The following FSTL5 variants were observed in gnomAD, a reference collection of about 807,000 sequenced individuals.
The protein encoded by FSTL5 is follistatin-related protein 5.
Under a neutral mutation model 89.1 loss-of-function variants are expected in FSTL5, and 62 were observed. The ratio of observed to expected loss-of-function variants is 0.70; its 90% CI spans 0.57 to 0.86. The LOEUF is 0.86. Ranked by LOEUF, FSTL5 falls within the 40% of genes least tolerant of loss-of-function variation. The pLI, the probability that FSTL5 is intolerant of heterozygous loss-of-function variation, is 0.00. For synonymous variants in FSTL5, 383 were observed against 346.2 expected, an observed-to-expected ratio of 1.11 and a Z score of -1.18; for missense variants, 1,057 against 1,001.6, an observed-to-expected ratio of 1.06 and a Z score of -0.75.
At chr4:161,850,854 T>C (rs1731526998) in intron 4 of FSTL5, among the ~76,000 whole-genome samples, 1 of 152,180 alleles carries the variant, frequency 6.6e-6, no homozygotes, top group African/African-American at 2.4e-5. Context: ...AGGAATGAGA[T>C]AATGTCTTTT....
intron 9 of FSTL5, among the ~76,000 whole-genome samples, chr4:161,541,540 C>G (rs1219538119): frequency 2.0e-5 from 3 of 151,846 alleles, no homozygotes; most frequent in African/African-American, 7.3e-5. Flanking sequence ...TTAGTGATTT[C>G]TAGGATTAAA....
intron 3 of FSTL5, among the ~76,000 whole-genome samples, chr4:161,935,014 A>T (rs968522858): frequency 5.9e-5 from 9 of 152,196 alleles, no homozygotes; most frequent in Non-Finnish European, 1.2e-4. Flanking sequence ...CATACTGATG[A>T]TGTAATGTAA....
intron 15 of FSTL5, among the ~76,000 whole-genome samples, chr4:161,442,371 CA>C (rs1034016284): frequency 3.1e-4 from 47 of 152,112 alleles, no homozygotes; most frequent in African/African-American, 9.6e-4. Flanking sequence ...ATTTAAAAGA[CA>C]CTGAAAAAAC....
At chr4:161,785,340 C>A (rs1741864495) in intron 4 of FSTL5, among the ~76,000 whole-genome samples, 1 of 152,138 alleles carries the variant, frequency 6.6e-6, no homozygotes, top group Admixed American at 6.5e-5. Flanking sequence ...TACATGTAAT[C>A]TGATATGCAT....
At chr4:161,972,939 C>T (rs902348232) in intron 3 of FSTL5, among the ~76,000 whole-genome samples, 3 of 152,160 alleles carry the variant, frequency 2.0e-5, no homozygotes, top group South Asian at 2.1e-4. Flanking sequence ...ATAATCATAT[C>T]GCTGCCTCTA....
intron 15 of FSTL5, among the ~76,000 whole-genome samples, chr4:161,423,300 C>T (rs2314102): frequency 0.047 from 7,205 of 152,206 alleles, 432 homozygotes; most frequent in East Asian, 0.19. Context: ...AAATAGTCTT[C>T]TAAAATATCC....
chr4:161,650,355 G>T (rs1478245402), intron 7 of FSTL5, among the ~76,000 whole-genome samples: 1 of 152,048 alleles, frequency 6.6e-6, no homozygotes, highest in East Asian at 1.9e-4. Context: ...TATAGCATTA[G>T]AAAAATTCAA....
intron 7 of FSTL5, among the ~76,000 whole-genome samples, chr4:161,616,671 G>A (rs1237175682): frequency 6.6e-6 from 1 of 151,910 alleles, no homozygotes; most frequent in Admixed American, 6.6e-5. Flanking sequence ...ATACAGAAGG[G>A]AATAACACAG....
At chr4:161,565,832 T>A (rs1160890029) in intron 8 of FSTL5, among the ~76,000 whole-genome samples, 1 of 149,088 alleles carries the variant, frequency 6.7e-6, no homozygotes, top group East Asian at 2.0e-4. Context: ...GACACTTAGA[T>A]TGGTTCCATA....
chr4:161,551,762 C>T (rs890921171), intron 8 of FSTL5, among the ~76,000 whole-genome samples: 1 of 151,846 alleles, frequency 6.6e-6, no homozygotes, highest in Non-Finnish European at 1.5e-5. Context: ...ATAAATGGTG[C>T]TGGGAAAACT....
chr4:161,968,934 TAC>T (rs147433060), intron 3 of FSTL5, among the ~76,000 whole-genome samples: 2,148 of 139,498 alleles, frequency 0.015, 21 homozygotes, highest in Middle Eastern at 0.019. Flanking sequence ...GACACAGACA[TAC>T]ACACACACAC....
intron 15 of FSTL5, among the ~76,000 whole-genome samples, chr4:161,435,837 T>G (rs940503929): frequency 3.2e-4 from 49 of 152,108 alleles, no homozygotes; most frequent in Admixed American, 2.4e-3. Flanking sequence ...CTAGTCAAAT[T>G]TGTCAATAAA....
At chr4:161,539,258 A>C (rs1018068884) in intron 9 of FSTL5, among the ~76,000 whole-genome samples, 1 of 151,684 alleles carries the variant, frequency 6.6e-6, no homozygotes, top group Non-Finnish European at 1.5e-5. Context: ...AGAACCACAC[A>C]AGCAGTAGAA....
chr4:161,384,395 A>T lies in FSTL5; in HGVS notation c.*1352T>A, dbSNP rs2110854062. 1 of 152,268 alleles carries T rather than the reference A, an allele frequency of 6.6e-6. No individual in the cohort carries two copies. Among genetic ancestry groups the T allele is most frequent in the African/African-American group, 2.4e-5 (1 of 41,576 alleles). 9.4% of individuals were successfully genotyped at this position (152,268 alleles called of 1,614,324 possible). A position where few individuals can be genotyped will look rare whatever the true frequency, so the allele number is the denominator to read the frequency against. On this transcript the variant is annotated 3_prime_UTR_variant, in exon 16 of 16. Coordinates refer to ENST00000306100, the MANE Select transcript of FSTL5 (RefSeq NM_020116.5). ...ATGTAAGCTATTACTTTAAGCCTGG[A>T]TAATTATCTGCTTATTTTAATAAAC...
Position 161,951,037 on chromosome 4 carries a change from C to A in FSTL5, c.161-30385G>T, listed in dbSNP as rs117886845. ...CCAGTGGGAGGTAATTGAATCACGG[C>A]GCCAGTGTTTTCCGTGCTGTTCTCA... On this transcript the variant is annotated intron_variant, in intron 3 of 15. Coordinates refer to ENST00000306100, the MANE Select transcript of FSTL5 (RefSeq NM_020116.5). Among the ~76,000 whole-genome samples, 1,979 of 152,048 alleles carry A rather than the reference C, an allele frequency of 0.013. 125 individuals carry two copies. In the East Asian group the frequency reaches 0.2, roughly 16 times the overall value.
At chr4:161,740,426 TATGAG>T (rs1421599828) in intron 6 of FSTL5, among the ~76,000 whole-genome samples, 1 of 152,080 alleles carries the variant, frequency 6.6e-6, no homozygotes, top group Non-Finnish European at 1.5e-5. Context: ...AGTGTATTTT[TATGAG>T]ATAAGTATAT....
At chr4:161,907,038 G>A (rs751090932) in intron 4 of FSTL5, among the ~76,000 whole-genome samples, 5 of 152,008 alleles carry the variant, frequency 3.3e-5, no homozygotes, top group South Asian at 2.1e-4. Context: ...CCAATGTGTC[G>A]TGTAAATGTT....
Position 161,442,158 on chromosome 4 carries a change from TTTTTC to T in FSTL5, c.1841+12841_1841+12845del, listed in dbSNP as rs1401202728. ...TCACTCTATAAAAGGTTTTTTTTTT[TTTTTC>T]ATTCCCTCAGCAGAGGCCAAAAACC... On this transcript the variant is annotated intron_variant, in intron 15 of 15. Coordinates refer to ENST00000306100, the MANE Select transcript of FSTL5 (RefSeq NM_020116.5). 2.0e-5 allele frequency among the ~76,000 whole-genome samples: 3 copies of T among 151,702 alleles called. No homozygotes were observed. In the East Asian group the frequency reaches 5.8e-4, roughly 29 times the overall value.
chr4:161,734,973 G>A (rs542002022), intron 6 of FSTL5, among the ~76,000 whole-genome samples: 9 of 151,850 alleles, frequency 5.9e-5, no homozygotes, highest in African/African-American at 2.2e-4. Context: ...ATTTCCAACA[G>A]TTCCTACCTG....
Sources: allele counts gnomAD v4.1 joint callset (sites outside exome capture counted in the v4.1 genomes callset), GRCh38; gene constraint gnomAD v4.1.1; transcripts MANE v1.5; gene names NCBI Gene and HGNC (gene_info 2026-07-23, HGNC 2026-07-21).